The following TOX variants were observed in gnomAD, a reference collection of about 807,000 sequenced individuals.
TOX encodes the protein thymocyte selection associated high mobility group box, also known as thymocyte selection-associated high mobility group box protein TOX.
In TOX, 11 loss-of-function variants were observed where a neutral mutation model predicts 53.7. That is an observed-to-expected ratio of 0.20 (90% CI 0.13 to 0.34). The LOEUF is 0.34. Among genes scored for constraint, TOX ranks in the 10% least tolerant of loss-of-function variants. The pLI, the probability that TOX is intolerant of heterozygous loss-of-function variation, is 1.00. For synonymous variants in TOX, 225 were observed against 245.3 expected, an observed-to-expected ratio of 0.92 and a Z score of 0.77; for missense variants, 570 against 664.6, an observed-to-expected ratio of 0.86 and a Z score of 1.56.
rs1404862506 is a variant in TOX, at chr8:59,047,209, T to G, written c.102+71677A>C. ...AACAATTCCACCAAGAATTGTTTTT[T>G]TTTTTTTTTTTTTTTTTTTTTTTTT... On this transcript the variant is annotated intron_variant, in intron 1 of 8. Transcript: ENST00000361421. Among the ~76,000 whole-genome samples the G allele has an allele frequency of 1.4e-3, 154 of 107,454 alleles. 1 individual carries two copies. The highest frequency in any genetic ancestry group is 6.3e-3 in the East Asian group (25 of 3,976). The allele number at this position is 107,454 out of a possible 152,430, so 70.5% of individuals were successfully genotyped here.
intron 2 of TOX, among the ~76,000 whole-genome samples, 176 bp from the exon 3 acceptor site, chr8:58,939,720 C>A (rs185132314): frequency 5.3e-5 from 8 of 152,316 alleles, no homozygotes; most frequent in Admixed American, 5.2e-4. Flanking sequence ...AAGAAAATTG[C>A]CTCAAAGGCA....
In TOX at chr8:59,062,577, T is replaced by A. The variant is rs546888139; in HGVS notation, c.102+56309A>T. ...ATAGAATGGCTCTTTCGGATGACAA[T>A]GATGAACTGTTCTAAGCAGACAGCT... On this transcript the variant is annotated intron_variant, in intron 1 of 8. Transcript: ENST00000361421. Among the ~76,000 whole-genome samples the A allele has an allele frequency of 2.4e-4, 37 of 152,312 alleles. 1 individual carries two copies. Among genetic ancestry groups the A allele is most frequent in the Admixed American group, 2.2e-3 (33 of 15,302 alleles).
chr8:58,815,505 A>C lies in TOX; in HGVS notation c.1225T>G (p.Ser409Ala). Residue 409 changes from serine (S) to alanine (A), a missense_variant, in exon 7 of 9, where the codon TCT becomes GCT. Ser to Ala is a moderately conservative substitution (Grantham distance 99, BLOSUM62 1). This residue lies in a region of TOX where 239 missense variants were observed against 250.7 expected (regional missense o/e 0.95). Coordinates refer to ENST00000361421, the MANE Select transcript of TOX (RefSeq NM_014729.3). ...GGGGACACAGCCATGTTTGCTATAG[A>C]GACAGTCACTGGCATTTGGTTATTC... is the stretch of plus-strand genomic sequence containing the variant. ...KPNNQMPVTV[S>A]IANMAVSPPP... 1 of 1,613,974 alleles carries C rather than the reference A, an allele frequency of 6.2e-7. No homozygotes were observed. The highest frequency in any genetic ancestry group is 8.5e-7 in the Non-Finnish European group (1 of 1,179,972).
chr8:58,856,436 T>C (rs1254425641), intron 3 of TOX, among the ~76,000 whole-genome samples: 1 of 152,242 alleles, frequency 6.6e-6, no homozygotes, highest in Admixed American at 6.5e-5. Context: ...AGTGTGTAAC[T>C]AAGGAAATGA....
At chr8:59,068,755 T>A (rs1804140670) in intron 1 of TOX, among the ~76,000 whole-genome samples, 1 of 152,144 alleles carries the variant, frequency 6.6e-6, no homozygotes, top group African/African-American at 2.4e-5. Context: ...CCAGGCAGGT[T>A]GATTGTGGAG....
At chr8:59,015,060 AT>A (rs1813982058) in intron 1 of TOX, among the ~76,000 whole-genome samples, 1 of 152,218 alleles carries the variant, frequency 6.6e-6, no homozygotes, top group Non-Finnish European at 1.5e-5. Context: ...ATCTGAGAGG[AT>A]CAACCCCCTC....
intron 2 of TOX, among the ~76,000 whole-genome samples, chr8:58,954,008 A>G (rs1225952015): frequency 6.6e-6 from 1 of 152,234 alleles, no homozygotes; most frequent in Non-Finnish European, 1.5e-5. Flanking sequence ...ATCTTAAAAC[A>G]TAATTCTAAC....
chr8:59,025,476 G>A (rs1442373716), intron 1 of TOX, among the ~76,000 whole-genome samples: 4 of 100,234 alleles, frequency 4.0e-5, no homozygotes, highest in African/African-American at 1.1e-4. Flanking sequence ...AAGCAGCAAA[G>A]TTTACGTTCT....
intron 1 of TOX, among the ~76,000 whole-genome samples, chr8:58,995,748 C>G (rs549150622): frequency 6.6e-6 from 1 of 152,304 alleles, no homozygotes; most frequent in South Asian, 2.1e-4. Flanking sequence ...GTCGTCTTTT[C>G]CATCATGAAA....
At chr8:58,840,126 A>G (rs1410759736) in intron 4 of TOX, among the ~76,000 whole-genome samples, 2 of 152,272 alleles carry the variant, frequency 1.3e-5, no homozygotes, top group Non-Finnish European at 2.9e-5. Context: ...GTGATACCTT[A>G]TAATCAGTAT....
intron 2 of TOX, among the ~76,000 whole-genome samples, chr8:58,940,466 G>A (rs1281378751): frequency 4.6e-5 from 7 of 151,814 alleles, no homozygotes; most frequent in Non-Finnish European, 1.5e-5. Context: ...AAAATACATG[G>A]AAGAAATAAA....
At chr8:59,019,091 G>T (rs1005684272) in intron 1 of TOX, among the ~76,000 whole-genome samples, 3 of 151,880 alleles carry the variant, frequency 2.0e-5, no homozygotes, top group African/African-American at 7.3e-5. Flanking sequence ...TTTTTCATAG[G>T]TAGATCCTGA....
At chr8:58,846,098 T>C (rs1810715249) in intron 4 of TOX, among the ~76,000 whole-genome samples, 1 of 152,154 alleles carries the variant, frequency 6.6e-6, no homozygotes, top group African/African-American at 2.4e-5. Context: ...GTCTATATCC[T>C]GGCATAATTA....
At chr8:59,031,338 A>G (rs945581348) in intron 1 of TOX, among the ~76,000 whole-genome samples, 1 of 152,216 alleles carries the variant, frequency 6.6e-6, no homozygotes, top group Non-Finnish European at 1.5e-5. Context: ...CCCAGTGCCC[A>G]TTGCAGGTGC....
intron 1 of TOX, among the ~76,000 whole-genome samples, chr8:59,104,471 G>T (rs763104069): frequency 6.6e-6 from 1 of 152,056 alleles, no homozygotes; most frequent in African/African-American, 2.4e-5. Context: ...CTTTTCACTA[G>T]AGGAAAACTT....
intron 1 of TOX, among the ~76,000 whole-genome samples, chr8:58,983,984 T>A (rs1042511736): frequency 1.2e-4 from 18 of 152,186 alleles, no homozygotes; most frequent in African/African-American, 4.3e-4. Flanking sequence ...CATATTTGCC[T>A]GAGGAGAAAA....
At chr8:58,880,795 C>A (rs1469833206) in intron 3 of TOX, among the ~76,000 whole-genome samples, 1 of 152,160 alleles carries the variant, frequency 6.6e-6, no homozygotes, top group Admixed American at 6.5e-5. Flanking sequence ...CTTAACATCG[C>A]ATTACTTGAG....
intron 1 of TOX, among the ~76,000 whole-genome samples, chr8:59,059,594 A>G (rs1370626240): frequency 6.6e-6 from 1 of 152,236 alleles, no homozygotes; most frequent in African/African-American, 2.4e-5. Flanking sequence ...TTATATTATT[A>G]TTCAAGAAAG....
intron 1 of TOX, among the ~76,000 whole-genome samples, chr8:59,056,317 C>T (rs949786328): frequency 3.3e-5 from 5 of 150,320 alleles, no homozygotes; most frequent in African/African-American, 7.3e-5. Flanking sequence ...CTGTAGTCCC[C>T]GCTACTAGGG....
Sources: gnomAD v4.1 joint callset for allele counts (sites outside exome capture counted in the v4.1 genomes callset) on GRCh38, gnomAD v4.1.1 for gene constraint, gnomAD v4.1.1 regional missense constraint, MANE v1.5 for transcripts, NCBI Gene and HGNC (gene_info 2026-07-23, HGNC 2026-07-21) for gene names.